CD40LG: variants seen among roughly 807,000 people sequenced by gnomAD.
The protein encoded by CD40LG is CD40 ligand, also known as CD40 antigen ligand.
Under a neutral mutation model 17.2 loss-of-function variants are expected in CD40LG, and 1 was observed. The observed-to-expected ratio is 0.06, with a 90% CI of 0.02 to 0.28. The LOEUF (loss-of-function observed/expected upper bound fraction) is 0.28, where lower values mean the gene tolerates loss of function less well. Ranked by LOEUF, CD40LG falls within the 10% of genes least tolerant of loss-of-function variation. CD40LG has a pLI of 1.00. For missense variants in CD40LG, 133 were observed against 193.2 expected, an observed-to-expected ratio of 0.69 and a Z score of 1.85; for synonymous variants, 66 against 74.4, an observed-to-expected ratio of 0.89 and a Z score of 0.58.
At chrX:136,650,115 G>T (rs767889039) in intron 1 of CD40LG, 151 bp from the exon 2 acceptor site, 24 of 468,335 alleles carry the variant, frequency 5.1e-5, no homozygotes, top group Admixed American at 2.3e-4. Context: ...ATACAAAATA[G>T]CAATCAGCCA....
At chrX:136,650,733 T>C (rs2076101784) in intron 2 of CD40LG, among the ~76,000 whole-genome samples, 1 of 111,455 alleles carries the variant, frequency 9.0e-6, no homozygotes, top group Non-Finnish European at 1.9e-5. Flanking sequence ...CAAACCTTGA[T>C]GCTCTCGCAC....
At chrX:136,653,999 T>C (rs1391034524) in intron 2 of CD40LG, among the ~76,000 whole-genome samples, 1 of 112,149 alleles carries the variant, frequency 8.9e-6, no homozygotes, top group African/African-American at 3.2e-5. Context: ...TAATATTCCA[T>C]ATACCAGTTC....
intron 2 of CD40LG, among the ~76,000 whole-genome samples, chrX:136,653,207 A>G (rs982895005): frequency 4.4e-5 from 5 of 112,498 alleles, no homozygotes; most frequent in Non-Finnish European, 5.6e-5. Flanking sequence ...GCCGCGCTTC[A>G]GCTCAAATGG....
At chrX:136,655,319 G>A (rs774840204) in intron 3 of CD40LG, among the ~76,000 whole-genome samples, 2 of 111,571 alleles carry the variant, frequency 1.8e-5, no homozygotes, top group East Asian at 5.6e-4. Flanking sequence ...CCCTTTCCAG[G>A]ACCTTTCTTC....
intron 3 of CD40LG, 52 bp downstream of exon 3, chrX:136,654,482 C>T (rs373042001): frequency 2.0e-5 from 18 of 917,690 alleles, no homozygotes; most frequent in Non-Finnish European, 2.5e-5. Context: ...TAAAAGGAAG[C>T]TTTAGGCTGA....
chrX:136,657,198 A>T (rs921847016), intron 4 of CD40LG, among the ~76,000 whole-genome samples: 1 of 111,927 alleles, frequency 8.9e-6, no homozygotes, highest in Non-Finnish European at 1.9e-5. Context: ...GTGTGTGTGC[A>T]TATGTGTATG....
Position 136,659,798 on chromosome X carries a change from G to A in CD40LG, c.*383G>A, listed in dbSNP as rs897207128. On this transcript the variant is annotated 3_prime_UTR_variant, in exon 5 of 5. Coordinates refer to ENST00000370629, the MANE Select transcript of CD40LG (RefSeq NM_000074.3). ...CATGGATAATGCATTTGATTTATCA[G>A]TGAAGATGCAGAAGGGAAATGGGGA... The A allele has an allele frequency of 3.1e-5, 5 of 161,958 alleles. No homozygotes were observed. The highest frequency in any genetic ancestry group is 5.8e-5 in the Non-Finnish European group (5 of 86,801). 13.3% of individuals were successfully genotyped at this position (161,958 alleles called of 1,213,427 possible).
intron 3 of CD40LG, among the ~76,000 whole-genome samples, chrX:136,655,541 C>T (rs1056738688): frequency 3.6e-5 from 4 of 111,864 alleles, no homozygotes; most frequent in Non-Finnish European, 1.9e-5. Context: ...TACATACATA[C>T]AGGGATAGAG....
intron 4 of CD40LG, 34 bp from the exon 5 acceptor site, chrX:136,659,005 A>G: frequency 8.3e-7 from 1 of 1,203,192 alleles, no homozygotes; most frequent in Non-Finnish European, 1.1e-6. Flanking sequence ...GCTCTGCTTC[A>G]CCTCACCACA....
intron 2 of CD40LG, 88 bp downstream of exon 2, chrX:136,650,485 G>C: frequency 1.2e-6 from 1 of 859,513 alleles, no homozygotes; most frequent in Non-Finnish European, 1.7e-6. Flanking sequence ...AATGTTTAAA[G>C]ATTGGTTATA....
chrX:136,648,469 T>C lies in CD40LG; in HGVS notation c.156+65T>C, dbSNP rs1181027187. The C allele has an allele frequency of 4.1e-6, 4 of 979,215 alleles. No homozygotes were observed. The Admixed American group carries it at 8.8e-5, about 22-fold the overall frequency. The allele number at this position is 979,215 out of a possible 1,213,427, so 80.7% of individuals were successfully genotyped here. A position where few individuals can be genotyped will look rare whatever the true frequency, so the allele number is the denominator to read the frequency against. On this transcript the variant is annotated intron_variant, in intron 1 of 4. Transcript: ENST00000370629. ...TCCTTACTAATTCATAGGTTGGTTCTACCCAAATGATGGATGATGGTAGAA... is the reference window on the plus strand; with the variant it reads ...TCCTTACTAATTCATAGGTTGGTTCCACCCAAATGATGGATGATGGTAGAA...
chrX:136,658,489 G>T (rs1414081510), intron 4 of CD40LG, among the ~76,000 whole-genome samples: 1 of 111,761 alleles, frequency 8.9e-6, no homozygotes, highest in Non-Finnish European at 1.9e-5. Flanking sequence ...CTTGCTGGGG[G>T]AGGCAGATCA....
In CD40LG at chrX:136,659,475, A is replaced by G. The variant is rs2076128479; in HGVS notation, c.*60A>G. On this transcript the variant is annotated 3_prime_UTR_variant, in exon 5 of 5. Coordinates refer to ENST00000370629, the MANE Select transcript of CD40LG (RefSeq NM_000074.3). Reference sequence around the variant, plus strand: ...GCTGGGAGTCTTCATAATACAGCACAGCGGTTAAGCCCACCCCCTGTTAAC... The same window carrying G: ...GCTGGGAGTCTTCATAATACAGCACGGCGGTTAAGCCCACCCCCTGTTAAC... 4 of 1,133,580 alleles carry G rather than the reference A, an allele frequency of 3.5e-6. No homozygotes were observed. The highest frequency in any genetic ancestry group is 2.2e-5 in the Admixed American group (1 of 45,405). The allele number at this position is 1,133,580 out of a possible 1,213,427, so 93.4% of individuals were successfully genotyped here.
Position 136,648,380 on chromosome X carries a change from G to A in CD40LG, c.132G>A (p.Val44=). The change falls in exon 1 of 5, where the codon GTG becomes GTA. Residue 44 remains valine, a synonymous_variant. Coordinates refer to ENST00000370629, the MANE Select transcript of CD40LG (RefSeq NM_000074.3). The part of the protein sequence containing the change: ...TQMIGSALFA[V]YLHRRLDKIE... ...TGATTGGGTCAGCACTTTTTGCTGTGTATCTTCATAGAAGGTTGGACAAGG... is the reference window on the plus strand; with the variant it reads ...TGATTGGGTCAGCACTTTTTGCTGTATATCTTCATAGAAGGTTGGACAAGG... The A allele has an allele frequency of 8.3e-7, 1 of 1,210,327 alleles. No individual in the cohort carries two copies. Among genetic ancestry groups the A allele is most frequent in the Non-Finnish European group, 1.1e-6 (1 of 894,187 alleles).
intron 2 of CD40LG, among the ~76,000 whole-genome samples, chrX:136,652,530 A>G (rs1489688916): frequency 9.0e-6 from 1 of 110,726 alleles, no homozygotes; most frequent in African/African-American, 3.3e-5. Context: ...CCAATTCTCA[A>G]TCCACAACTT....
intron 2 of CD40LG, among the ~76,000 whole-genome samples, chrX:136,652,429 C>T (rs914482544): frequency 7.2e-5 from 8 of 111,652 alleles, no homozygotes; most frequent in Non-Finnish European, 1.1e-4. Context: ...GCTTTCTTTC[C>T]GGGCCACAGT....
intron 4 of CD40LG, among the ~76,000 whole-genome samples, 182 bp downstream of exon 4, chrX:136,656,600 A>T (rs1015097317): frequency 2.7e-5 from 3 of 112,266 alleles, no homozygotes; most frequent in Non-Finnish European, 3.8e-5. Context: ...TGGGACTTAG[A>T]GGGACAAAAG....
intron 1 of CD40LG, 39 bp downstream of exon 1, chrX:136,648,443 G>A: frequency 8.7e-7 from 1 of 1,152,699 alleles, no homozygotes; most frequent in Non-Finnish European, 1.2e-6. Flanking sequence ...TAAATTTGGG[G>A]TCCTTACTAA....
chrX:136,649,604 T>C (rs1417449312), intron 1 of CD40LG, among the ~76,000 whole-genome samples: 1 of 112,748 alleles, frequency 8.9e-6, no homozygotes, highest in East Asian at 2.8e-4. Context: ...AACTGAATCT[T>C]GTTTTGAATC....
Sources: gnomAD v4.1 joint callset for allele counts (sites outside exome capture counted in the v4.1 genomes callset) on GRCh38, gnomAD v4.1.1 for gene constraint, MANE v1.5 for transcripts, NCBI Gene and HGNC (gene_info 2026-07-23, HGNC 2026-07-21) for gene names.